KLHL26: variants seen among roughly 807,000 people sequenced by gnomAD.
KLHL26 encodes the protein kelch like family member 26.
Under a neutral mutation model 7.1 loss-of-function variants are expected in KLHL26, and 4 were observed. The observed-to-expected ratio is 0.56, with a 90% confidence interval of 0.28 to 1.28. The LOEUF (loss-of-function observed/expected upper bound fraction) is 1.28. Ranked by LOEUF, KLHL26 falls within the 50% of genes most tolerant of loss-of-function variation. The pLI, the probability that KLHL26 is intolerant of heterozygous loss-of-function variation, is 0.11. For missense variants in KLHL26, 896 were observed against 924.6 expected (o/e 0.97, Z 0.40); for synonymous variants, 465 against 414.1 (o/e 1.12, Z -1.49).
chr19:18,638,155 C>G (rs1264534769), intron 1 of KLHL26, among the ~76,000 whole-genome samples: 2 of 152,202 alleles, frequency 1.3e-5, no homozygotes, highest in Non-Finnish European at 2.9e-5. Context: ...CAGGCTTTTT[C>G]TTGCTGGTGA....
intron 1 of KLHL26, among the ~76,000 whole-genome samples, chr19:18,639,076 T>C (rs1285660906): frequency 3.3e-5 from 5 of 150,492 alleles, no homozygotes; most frequent in Admixed American, 3.3e-4. Context: ...TTTGTTTTTA[T>C]TTATTTATTT....
Position 18,668,932 on chromosome 19 carries a change from C to T in KLHL26, c.1535C>T (p.Ala512Val). 6.2e-7 allele frequency: 1 copy of T among 1,608,776 alleles called. No individual in the cohort carries two copies. The change falls in exon 3 of 3, where the codon GCC (alanine) becomes GTC (valine). Residue 512 changes from alanine (A) to valine (V), a missense_variant. Transcript: ENST00000300976. ...AMVGAGGRIY[A>V]LGGRMDHVDR... The stretch of plus-strand genomic sequence containing the variant: ...GTGGGTGCCGGCGGCCGCATCTATG[C>T]CCTCGGGGGCCGCATGGACCACGTG...
At position 18,668,368 on chromosome 19, in the gene KLHL26, G is replaced by GC. The variant is rs1568464710; in HGVS notation, c.972dup (p.Ser325LeufsTer11). 3 of 1,607,382 alleles carry GC rather than the reference G, an allele frequency of 1.9e-6. No homozygotes were observed. ...GGCACGCCCTACACCGACAGCGACC[G>GC]CTCGGTCAGCAGCAAGGTCTACCAG... is the stretch of plus-strand genomic sequence containing the variant. On this transcript the variant is annotated frameshift_variant, in exon 3 of 3. Coordinates refer to ENST00000300976, the MANE Select transcript of KLHL26 (RefSeq NM_018316.3). LOFTEE classifies it low-confidence loss of function (END_TRUNC).
intron 1 of KLHL26, among the ~76,000 whole-genome samples, chr19:18,654,906 T>A (rs1214361566): frequency 6.6e-6 from 1 of 152,250 alleles, no homozygotes; most frequent in Non-Finnish European, 1.5e-5. Context: ...TTGACAAGCA[T>A]GACTGAGCTC....
rs758989708 is a variant in KLHL26, at chr19:18,668,468, C to G, written c.1071C>G (p.Ala357=). The stretch of plus-strand genomic sequence containing the variant: ...TAGGCTGCAGCCACACGTGCGTGGC[C>G]GTGCTGGACAATTTTGTGTACGTGG... ...MEVGCSHTCV[A]VLDNFVYVAG... The change falls in exon 3 of 3, where the codon GCC becomes GCG. Residue 357 remains alanine (A), a synonymous_variant. Transcript: ENST00000300976. 6.2e-7 allele frequency: 1 copy of G among 1,610,542 alleles called. No individual in the cohort carries two copies. The highest frequency in any genetic ancestry group is 8.5e-7 in the Non-Finnish European group (1 of 1,179,446).
Position 18,668,683 on chromosome 19 carries a change from C to T in KLHL26, c.1286C>T (p.Ser429Phe). ...GGRNRAGSLA[S>F]VERYCPRRNE... ...CGCAACCGAGCCGGCAGCCTGGCCT[C>T]CGTGGAGCGGTACTGCCCCCGGCGC... The change falls in exon 3 of 3, where the codon TCC becomes TTC. Residue 429 changes from serine (S) to phenylalanine (F), a missense_variant. Ser to Phe is a radical substitution (Grantham distance 155, BLOSUM62 -2). Coordinates refer to ENST00000300976, the MANE Select transcript of KLHL26 (RefSeq NM_018316.3). 6.3e-7 allele frequency: 1 copy of T among 1,575,504 alleles called. No homozygotes were observed. The highest frequency in any genetic ancestry group is 8.6e-7 in the Non-Finnish European group (1 of 1,165,128).
At position 18,666,799 on chromosome 19, in the gene KLHL26, G is replaced by A. The variant is rs558015389; in HGVS notation, c.267-865G>A. Among the ~76,000 whole-genome samples, 82 of 152,328 alleles carry A rather than the reference G, an allele frequency of 5.4e-4. 1 individual carries two copies. The highest frequency in any genetic ancestry group is 1.8e-3 in the African/African-American group (73 of 41,568). The stretch of plus-strand genomic sequence containing the variant: ...TGATGGTTGTTGAGACTCAGGCTGG[G>A]CATATCAGAGCTGCCTGCTTAGGTC... On this transcript the variant is annotated intron_variant, in intron 2 of 2. Transcript: ENST00000300976.
At chr19:18,640,173 T>C (rs1233072099) in intron 1 of KLHL26, among the ~76,000 whole-genome samples, 1 of 152,072 alleles carries the variant, frequency 6.6e-6, no homozygotes, top group Non-Finnish European at 1.5e-5. Flanking sequence ...TGTGGACGTA[T>C]ATTTTCATCC....
At chr19:18,657,410 C>T (rs530783910) in intron 1 of KLHL26, among the ~76,000 whole-genome samples, 5 of 152,094 alleles carry the variant, frequency 3.3e-5, no homozygotes, top group African/African-American at 9.6e-5. Flanking sequence ...CTCCCTCTCC[C>T]TGGGTCTGTG....
chr19:18,664,229 G>A, intron 1 of KLHL26, 32 bp from the exon 2 acceptor site: 1 of 1,562,034 alleles, frequency 6.4e-7, no homozygotes, highest in Non-Finnish European at 8.7e-7. Context: ...GTGAACCTCT[G>A]GGCCATGTCC....
intron 2 of KLHL26, among the ~76,000 whole-genome samples, chr19:18,664,829 C>T (rs2145407851): frequency 6.6e-6 from 1 of 152,160 alleles, no homozygotes; most frequent in East Asian, 1.9e-4. Flanking sequence ...CGTGATCTGC[C>T]TGCCTTGGCC....
rs779278866 is a variant in KLHL26 at position 18,668,315 on chromosome 19, G to A, written c.918G>A (p.Ser306=). 5.9e-5 allele frequency: 95 copies of A among 1,610,898 alleles called. No individual in the cohort carries two copies. Among genetic ancestry groups the A allele is most frequent in the Non-Finnish European group, 7.5e-5 (88 of 1,179,734 alleles). ...AGTCTCCGCGCACCGCCGTGCGCTC[G>A]GATGTGCCCTCGCTCGTCACCTTCG... The part of the protein sequence containing the change: ...EMQSPRTAVR[S]DVPSLVTFGG... Residue 306 remains serine, a synonymous_variant, in exon 3 of 3, where the codon TCG becomes TCA. Coordinates refer to ENST00000300976, the MANE Select transcript of KLHL26 (RefSeq NM_018316.3).
rs1305316476 is a variant in KLHL26 at position 18,648,818 on chromosome 19, C to T, written c.83+11681C>T. Among the ~76,000 whole-genome samples, 1 of 152,132 alleles carries T rather than the reference C, an allele frequency of 6.6e-6. No individual in the cohort carries two copies. The highest frequency in any genetic ancestry group is 1.5e-5 in the Non-Finnish European group (1 of 68,014). ...GTGGGTTCCACCTTCGAGCCACAGC[C>T]TGGAGCCAGCTCCTCCTGCTCTCTC... On this transcript the variant is annotated intron_variant, in intron 1 of 2. Coordinates refer to ENST00000300976, the MANE Select transcript of KLHL26 (RefSeq NM_018316.3). This position sits in a 1 kb window ranked among gnomAD's most constrained non-coding sequence, Gnocchi z 4.9.
In KLHL26 at chr19:18,637,046, G is replaced by T; in HGVS notation, c.-9G>T. The T allele has an allele frequency of 7.5e-7, 1 of 1,337,474 alleles. No homozygotes were observed. Among genetic ancestry groups the T allele is most frequent in the Non-Finnish European group, 9.7e-7 (1 of 1,035,810 alleles). The allele number at this position is 1,337,474 out of a possible 1,614,324, so 82.9% of individuals were successfully genotyped here. On this transcript the variant is annotated 5_prime_UTR_variant, in exon 1 of 3. Coordinates refer to ENST00000300976, the MANE Select transcript of KLHL26 (RefSeq NM_018316.3). ...TCCCGTCACTCGAACGCGCGACGGC[G>T]GGGGGAAGATGGCGGAGTCCGGCGG...
At chr19:18,638,145 C>T (rs900124015) in intron 1 of KLHL26, among the ~76,000 whole-genome samples, 1 of 152,238 alleles carries the variant, frequency 6.6e-6, no homozygotes, top group African/African-American at 2.4e-5. Flanking sequence ...GGAGGAAATT[C>T]AGGCTTTTTC....
intron 1 of KLHL26, 64 bp from the exon 2 acceptor site, chr19:18,664,197 T>C: frequency 7.1e-7 from 1 of 1,416,894 alleles, no homozygotes; most frequent in East Asian, 2.4e-5. Flanking sequence ...CTGAGTGTTG[T>C]GTTCAAGGTA....
chr19:18,657,700 A>G (rs1389732039), intron 1 of KLHL26, among the ~76,000 whole-genome samples: 1 of 152,146 alleles, frequency 6.6e-6, no homozygotes, highest in African/African-American at 2.4e-5. Context: ...TCCAGAAGCC[A>G]TTATCTTTCC....
chr19:18,640,403 A>T (rs926397013), intron 1 of KLHL26, among the ~76,000 whole-genome samples: 3 of 151,774 alleles, frequency 2.0e-5, no homozygotes, highest in Admixed American at 6.6e-5. Flanking sequence ...CACCACACCC[A>T]GCTATTTTTT....
Position 18,664,417 on chromosome 19 carries a change from C to T in KLHL26, c.240C>T (p.Val80=), listed in dbSNP as rs767504295. The T allele has an allele frequency of 4.4e-6, 7 of 1,592,866 alleles. No individual in the cohort carries two copies. Among genetic ancestry groups the T allele is most frequent in the African/African-American group, 4.0e-5 (3 of 74,588 alleles). Residue 80 remains valine, a synonymous_variant, in exon 2 of 3, where the codon GTC becomes GTT. Transcript: ENST00000300976. The part of the protein sequence containing the change: ...NREAFPAHKV[V]LAACSDYFRA... ...AGGCCTTTCCTGCACACAAGGTCGT[C>T]CTGGCTGCCTGCAGCGACTACTTCA...
Sources: gnomAD v4.1 joint callset for allele counts (sites outside exome capture counted in the v4.1 genomes callset) on GRCh38, gnomAD v4.1.1 for gene constraint, Gnocchi (gnomAD v3.1) non-coding constraint, MANE v1.5 for transcripts, NCBI Gene and HGNC (gene_info 2026-07-23, HGNC 2026-07-21) for gene names.